The following PAPPA2 variants were observed in gnomAD, a reference collection of about 807,000 sequenced individuals.
PAPPA2 encodes the protein pappalysin-2.
In PAPPA2, 86 loss-of-function variants were observed where a neutral mutation model predicts 176.4. The ratio of observed to expected loss-of-function variants is 0.49; its 90% CI spans 0.41 to 0.58. The LOEUF is 0.58. Among genes scored for constraint, PAPPA2 ranks in the 20% least tolerant of loss-of-function variants. The pLI is 0.00. For synonymous variants in PAPPA2, 809 were observed against 852.2 expected (o/e 0.95, Z 0.88); for missense variants, 2,073 against 2,256.9 (o/e 0.92, Z 1.65).
intron 17 of PAPPA2, among the ~76,000 whole-genome samples, chr1:176,788,086 A>G (rs796856265): frequency 3.3e-4 from 51 of 152,324 alleles, no homozygotes; most frequent in African/African-American, 1.2e-3. Flanking sequence ...AAGAAAAAAA[A>G]AGATGATTTC....
chr1:176,814,154 G>A (rs559233858), intron 21 of PAPPA2, among the ~76,000 whole-genome samples: 39 of 152,212 alleles, frequency 2.6e-4, no homozygotes, highest in Admixed American at 1.2e-3. Flanking sequence ...GTCTGTTCTT[G>A]TACCAGTACC....
intron 20 of PAPPA2, among the ~76,000 whole-genome samples, chr1:176,795,040 C>T (rs528073280): frequency 4.4e-4 from 67 of 152,174 alleles, no homozygotes; most frequent in Non-Finnish European, 8.1e-4. Context: ...TTGCTCATGT[C>T]CTCATGTGCC....
At chr1:176,692,433 AC>A in intron 6 of PAPPA2, 115 bp downstream of exon 6, 1 of 1,057,716 alleles carries the variant, frequency 9.5e-7, no homozygotes. Flanking sequence ...AAATGTGTGC[AC>A]CACTGCTCAG....
intron 1 of PAPPA2, among the ~76,000 whole-genome samples, chr1:176,481,252 GCA>G (rs56206580): frequency 0.088 from 12,354 of 139,938 alleles, 589 homozygotes; most frequent in Non-Finnish European, 0.13. Flanking sequence ...AGATTTTAAA[GCA>G]CACACACACA....
chr1:176,497,813 T>C (rs1158732208), intron 1 of PAPPA2, among the ~76,000 whole-genome samples: 6 of 152,202 alleles, frequency 3.9e-5, no homozygotes, highest in Admixed American at 6.5e-5. Context: ...GCATGTACTA[T>C]CATTTTTTCA....
At chr1:176,699,615 G>T (rs773968306) in intron 8 of PAPPA2, 26 bp downstream of exon 8, 5 of 1,568,868 alleles carry the variant, frequency 3.2e-6, no homozygotes, top group African/African-American at 2.7e-5. Context: ...TGACTATGGG[G>T]CTTCCTGAGG....
chr1:176,769,915 C>G (rs1571301838), intron 16 of PAPPA2, 131 bp downstream of exon 16: 2 of 1,041,538 alleles, frequency 1.9e-6, no homozygotes, highest in East Asian at 5.2e-5. Context: ...CTTCTGATAA[C>G]TCCAGAAAAG....
At chr1:176,580,006 T>C (rs539240297) in intron 2 of PAPPA2, among the ~76,000 whole-genome samples, 152 of 152,332 alleles carry the variant, frequency 1.0e-3, no homozygotes, top group African/African-American at 3.4e-3. Flanking sequence ...TTTTTTTGTA[T>C]TGGGAAAATT....
chr1:176,734,240 A>G (rs1662293358), intron 12 of PAPPA2, among the ~76,000 whole-genome samples: 1 of 152,166 alleles, frequency 6.6e-6, no homozygotes, highest in Non-Finnish European at 1.5e-5. Context: ...ACATGCTCTC[A>G]GAAAGAATTC....
At chr1:176,466,179 A>T (rs1373693929) in intron 1 of PAPPA2, among the ~76,000 whole-genome samples, 1 of 152,144 alleles carries the variant, frequency 6.6e-6, no homozygotes, top group Non-Finnish European at 1.5e-5. Context: ...TAGAAGCTTA[A>T]TGAGGTCCTA....
intron 4 of PAPPA2, among the ~76,000 whole-genome samples, chr1:176,688,211 C>T (rs1659939204): frequency 6.6e-6 from 1 of 152,058 alleles, no homozygotes; most frequent in Admixed American, 6.6e-5. Context: ...AACATATGTA[C>T]AGAGTAGAAG....
At chr1:176,557,961 T>C (rs1001920391) in intron 2 of PAPPA2, among the ~76,000 whole-genome samples, 3 of 152,212 alleles carry the variant, frequency 2.0e-5, no homozygotes, top group Non-Finnish European at 4.4e-5. Flanking sequence ...TCAGGAGCAC[T>C]GGTCTGGGAA....
At chr1:176,592,256 T>A (rs1326679948) in intron 2 of PAPPA2, among the ~76,000 whole-genome samples, 3 of 152,212 alleles carry the variant, frequency 2.0e-5, no homozygotes, top group Non-Finnish European at 4.4e-5. Flanking sequence ...AGGTTCTTCA[T>A]TTGCTGCTTG....
intron 1 of PAPPA2, among the ~76,000 whole-genome samples, chr1:176,540,028 C>T (rs943566717): frequency 6.6e-6 from 1 of 152,180 alleles, no homozygotes; most frequent in African/African-American, 2.4e-5. Context: ...AAGGACTCCA[C>T]CTTCTTTATT....
rs1648670189 is a variant in PAPPA2 at position 176,512,552 on chromosome 1, T to C, written c.-916-42855T>C. 2.0e-5 allele frequency among the ~76,000 whole-genome samples: 3 copies of C among 152,110 alleles called. No homozygotes were observed. The South Asian group carries it at 6.2e-4, about 31-fold the overall frequency. ...TATAAGAATTTCAAGAACAGATACA[T>C]CTAATTTATAACAACATAAAGCAGA... is the stretch of plus-strand genomic sequence containing the variant. On this transcript the variant is annotated intron_variant, in intron 1 of 22. Transcript: ENST00000367662.
At chr1:176,509,827 AC>A (rs1488135914) in intron 1 of PAPPA2, among the ~76,000 whole-genome samples, 4 of 151,380 alleles carry the variant, frequency 2.6e-5, no homozygotes, top group Non-Finnish European at 5.9e-5. Context: ...ATATGGCAAA[AC>A]CCCGTTTCTA....
intron 12 of PAPPA2, among the ~76,000 whole-genome samples, chr1:176,716,760 C>T (rs893505465): frequency 1.3e-5 from 2 of 151,770 alleles, no homozygotes; most frequent in Non-Finnish European, 2.9e-5. Flanking sequence ...TACAGGCACC[C>T]GCCACCATGC....
chr1:176,698,144 T>C (rs2102816715), intron 7 of PAPPA2, among the ~76,000 whole-genome samples: 1 of 152,282 alleles, frequency 6.6e-6, no homozygotes, highest in East Asian at 1.9e-4. Flanking sequence ...CTCTGGGCTT[T>C]GGGACATAAT....
chr1:176,681,946 G>A (rs1462379949), intron 4 of PAPPA2, among the ~76,000 whole-genome samples: 2 of 152,112 alleles, frequency 1.3e-5, no homozygotes, highest in Non-Finnish European at 2.9e-5. Context: ...GGTACGGGTA[G>A]GACCACTCCC....
Sources: allele counts gnomAD v4.1 joint callset (sites outside exome capture counted in the v4.1 genomes callset), GRCh38; gene constraint gnomAD v4.1.1; transcripts MANE v1.5; gene names NCBI Gene and HGNC (gene_info 2026-07-23, HGNC 2026-07-21).